GLMN: variants seen among roughly 807,000 people sequenced by gnomAD.
GLMN encodes the protein glomulin, FKBP associated protein.
In GLMN, 75 loss-of-function variants were observed where a neutral mutation model predicts 87.8. That is an observed-to-expected ratio of 0.85 (90% confidence interval 0.71 to 1.04). GLMN has a LOEUF of 1.04. Ranked by LOEUF, GLMN falls within the 50% of genes least tolerant of loss-of-function variation. The pLI is 0.00. For synonymous variants in GLMN, 206 were observed against 221.6 expected, an observed-to-expected ratio of 0.93 and a Z score of 0.63; for missense variants, 588 against 658.8, an observed-to-expected ratio of 0.89 and a Z score of 1.18.
chr1:92,323,403 C>G, the GLMN span: 1 of 1,371,042 alleles, frequency 7.3e-7, no homozygotes, highest in East Asian at 2.3e-5. Flanking sequence ...GTTTTATTTG[C>G]TATTTTTTAT....
In GLMN at chr1:92,297,817, T is replaced by TC. The variant is rs894191799; in HGVS notation, c.39+143dup. 34 of 638,214 alleles carry TC rather than the reference T, an allele frequency of 5.3e-5. No homozygotes were observed. The African/African-American group carries it at 5.9e-4, about 11-fold the overall frequency. The allele number at this position is 638,214 out of a possible 1,614,324, so 39.5% of individuals were successfully genotyped here. On this transcript the variant is annotated intron_variant, in intron 2 of 18. Coordinates refer to ENST00000370360, the MANE Select transcript of GLMN (RefSeq NM_053274.3). ...ACCTGGAGAAATAATCCAATCTGCC[T>TC]CCCCCACTCATGCTCTTTACAGGTC...
At chr1:92,314,352 T>G in the GLMN span, among the ~76,000 whole-genome samples, 10 of 114,066 alleles carry the variant, frequency 8.8e-5, no homozygotes, top group African/African-American at 3.0e-4. Flanking sequence ...GGTTTTTGGG[T>G]TTTTTTTTTT....
the GLMN span, among the ~76,000 whole-genome samples, chr1:92,342,398 T>C: frequency 1.3e-5 from 2 of 152,090 alleles, no homozygotes; most frequent in Non-Finnish European, 2.9e-5. Flanking sequence ...AGTAGAGAGA[T>C]ATGTGGTCAG....
the GLMN span, among the ~76,000 whole-genome samples, chr1:92,348,759 C>G: frequency 6.6e-6 from 1 of 152,122 alleles, no homozygotes; most frequent in African/African-American, 2.4e-5. Flanking sequence ...AATACATATT[C>G]ATCATGTTAA....
upstream of GLMN, among the ~76,000 whole-genome samples, chr1:92,300,495 C>T (rs372082758): frequency 5.3e-5 from 8 of 152,104 alleles, no homozygotes; most frequent in South Asian, 1.2e-3. Flanking sequence ...TGTTTTTCAC[C>T]GCTTCAGGTA....
the GLMN span, among the ~76,000 whole-genome samples, chr1:92,308,147 A>C: frequency 6.6e-6 from 1 of 152,162 alleles, no homozygotes; most frequent in Non-Finnish European, 1.5e-5. Flanking sequence ...CTCAATTCAA[A>C]TAACATCAAT....
chr1:92,287,553 C>G (rs1254101544), intron 6 of GLMN, among the ~76,000 whole-genome samples: 1 of 151,866 alleles, frequency 6.6e-6, no homozygotes, highest in Non-Finnish European at 1.5e-5. Context: ...GTTGCCTAGG[C>G]TGGTCTCAAA....
the GLMN span, among the ~76,000 whole-genome samples, chr1:92,336,812 T>A: frequency 6.6e-6 from 1 of 151,918 alleles, no homozygotes; most frequent in Admixed American, 6.6e-5. Context: ...AAGGAAGAAC[T>A]CTCCTCTGTG....
chr1:92,344,089 A>T, the GLMN span, among the ~76,000 whole-genome samples: 1 of 152,040 alleles, frequency 6.6e-6, no homozygotes. Context: ...AATATTTAGT[A>T]TTTAGTCTGT....
At chr1:92,252,435 T>C (rs1653640203) in intron 16 of GLMN, among the ~76,000 whole-genome samples, 1 of 152,246 alleles carries the variant, frequency 6.6e-6, no homozygotes, top group African/African-American at 2.4e-5. Context: ...TAGTCACATG[T>C]GTCTACTGTC....
the GLMN span, chr1:92,304,013 G>A: frequency 9.3e-6 from 15 of 1,612,812 alleles, no homozygotes; most frequent in East Asian, 4.5e-5. Flanking sequence ...CAGTGATGTC[G>A]TGGATGAACG....
At chr1:92,252,406 A>G (rs777760561) in intron 16 of GLMN, among the ~76,000 whole-genome samples, 1 of 152,160 alleles carries the variant, frequency 6.6e-6, no homozygotes, top group Non-Finnish European at 1.5e-5. Context: ...AAGGAAAAAA[A>G]AATTAATATA....
intron 13 of GLMN, among the ~76,000 whole-genome samples, chr1:92,265,486 A>G (rs942106838): frequency 6.6e-6 from 1 of 152,218 alleles, no homozygotes; most frequent in Non-Finnish European, 1.5e-5. Flanking sequence ...GATAGAATCA[A>G]GAGTGTTGGC....
chr1:92,265,106 G>T (rs1655465265), intron 13 of GLMN, among the ~76,000 whole-genome samples: 2 of 152,274 alleles, frequency 1.3e-5, no homozygotes, highest in South Asian at 4.1e-4. Context: ...CTCCCAAAGT[G>T]CTGGGATTAC....
chr1:92,354,858 AAAATT>A, the GLMN span, among the ~76,000 whole-genome samples: 2 of 150,822 alleles, frequency 1.3e-5, no homozygotes, highest in African/African-American at 4.9e-5. Context: ...CTTTGTGCCT[AAAATT>A]AAATAAATGC....
At chr1:92,362,890 A>G in the GLMN span, among the ~76,000 whole-genome samples, 1 of 152,158 alleles carries the variant, frequency 6.6e-6, no homozygotes, top group Admixed American at 6.6e-5. Flanking sequence ...AGTGCAGAAA[A>G]AAATGTTGCT....
the GLMN span, among the ~76,000 whole-genome samples, chr1:92,321,469 T>G: frequency 6.6e-6 from 1 of 151,860 alleles, no homozygotes; most frequent in Non-Finnish European, 1.5e-5. Flanking sequence ...CTTTTATATA[T>G]ATATATATTT....
At chr1:92,266,530 T>C in intron 12 of GLMN, 38 bp from the exon 13 acceptor site, 1 of 1,286,284 alleles carries the variant, frequency 7.8e-7, no homozygotes, top group Non-Finnish European at 1.1e-6. Flanking sequence ...ATAAAATGAA[T>C]AAAGCTTACC....
chr1:92,258,067 GAAA>G (rs529396798), intron 16 of GLMN, among the ~76,000 whole-genome samples: 189 of 149,924 alleles, frequency 1.3e-3, no homozygotes, highest in African/African-American at 4.4e-3. Context: ...AAATTTATAA[GAAA>G]AAAAAACCCA....
Sources: gnomAD v4.1 joint callset for allele counts (sites outside exome capture counted in the v4.1 genomes callset) on GRCh38, gnomAD v4.1.1 for gene constraint, MANE v1.5 for transcripts, NCBI Gene and HGNC (gene_info 2026-07-23, HGNC 2026-07-21) for gene names.